The following LRFN2 variants were observed in gnomAD, a reference collection of about 807,000 sequenced individuals.
The protein encoded by LRFN2 is leucine-rich repeat and fibronectin type-III domain-containing protein 2.
LRFN2 carries 18 observed loss-of-function variants against 37.3 expected under a neutral mutation model. The ratio of observed to expected loss-of-function variants is 0.48; its 90% CI spans 0.33 to 0.72. LRFN2 has a LOEUF of 0.72. Ranked by LOEUF, LRFN2 falls within the 30% of genes least tolerant of loss-of-function variation. LRFN2 has a pLI of 0.02. For missense variants in LRFN2, 1,006 were observed against 1,060.7 expected, an observed-to-expected ratio of 0.95 and a Z score of 0.72; for synonymous variants, 556 against 466.6, an observed-to-expected ratio of 1.19 and a Z score of -2.47.
At chr6:40,571,735 C>A (rs1313108344) in intron 1 of LRFN2, among the ~76,000 whole-genome samples, 2 of 152,190 alleles carry the variant, frequency 1.3e-5, no homozygotes, top group Non-Finnish European at 2.9e-5. Context: ...CAGGTGGATC[C>A]CCAAATCATG....
chr6:40,449,099 C>A (rs1764041927), intron 1 of LRFN2, among the ~76,000 whole-genome samples: 1 of 152,170 alleles, frequency 6.6e-6, no homozygotes, highest in Admixed American at 6.5e-5. Flanking sequence ...TCCCCAATTG[C>A]ACATGGTGAA....
At chr6:40,462,694 G>C (rs964909713) in intron 1 of LRFN2, among the ~76,000 whole-genome samples, 3 of 152,100 alleles carry the variant, frequency 2.0e-5, no homozygotes, top group Non-Finnish European at 4.4e-5. Context: ...CTATCATCTT[G>C]TCAAATCTTC....
At chr6:40,480,956 T>A (rs1014528634) in intron 1 of LRFN2, among the ~76,000 whole-genome samples, 1 of 152,114 alleles carries the variant, frequency 6.6e-6, no homozygotes, top group African/African-American at 2.4e-5. Context: ...CACCTATACA[T>A]CTGGAGGGAA....
chr6:40,418,275 C>G (rs146745229), intron 2 of LRFN2, among the ~76,000 whole-genome samples: 1 of 152,300 alleles, frequency 6.6e-6, no homozygotes, highest in African/African-American at 2.4e-5. Context: ...AACATCACTC[C>G]TTACAGAGGC....
chr6:40,445,954 G>A (rs1341711785), intron 1 of LRFN2, among the ~76,000 whole-genome samples: 2 of 152,184 alleles, frequency 1.3e-5, no homozygotes, highest in Non-Finnish European at 2.9e-5. Context: ...TCTCAAAACA[G>A]TGTTTCCCAT....
At chr6:40,467,987 A>G (rs77942784) in intron 1 of LRFN2, among the ~76,000 whole-genome samples, 1,822 of 152,168 alleles carry the variant, frequency 0.012, 40 homozygotes, top group African/African-American at 0.04. Flanking sequence ...TCCATATCTG[A>G]CAGGACATAC....
chr6:40,405,087 T>TG (rs1411524609), intron 2 of LRFN2, among the ~76,000 whole-genome samples: 1 of 152,352 alleles, frequency 6.6e-6, no homozygotes, highest in East Asian at 1.9e-4. Context: ...GGGCCCCCTC[T>TG]GGTCCTTTGT....
At chr6:40,526,798 A>C (rs1433196433) in intron 1 of LRFN2, among the ~76,000 whole-genome samples, 1 of 152,180 alleles carries the variant, frequency 6.6e-6, no homozygotes, top group African/African-American at 2.4e-5. Context: ...CCCTTAGCCC[A>C]CATTTTAAGA....
intron 2 of LRFN2, among the ~76,000 whole-genome samples, chr6:40,416,415 G>A (rs553036794): frequency 2.1e-5 from 3 of 144,122 alleles, no homozygotes; most frequent in South Asian, 2.4e-4. Context: ...AGGGGGTGGC[G>A]GGAATGAGGG....
intron 1 of LRFN2, among the ~76,000 whole-genome samples, chr6:40,487,230 C>A (rs1212707024): frequency 6.6e-6 from 1 of 152,144 alleles, no homozygotes; most frequent in Non-Finnish European, 1.5e-5. Flanking sequence ...TTGCTTCTGG[C>A]CCTTCTTGGC....
chr6:40,574,754 G>A (rs1223794925), intron 1 of LRFN2, among the ~76,000 whole-genome samples: 1 of 152,104 alleles, frequency 6.6e-6, no homozygotes, highest in Non-Finnish European at 1.5e-5. Flanking sequence ...GTGAGAAGTG[G>A]GCAGAGAGCA....
chr6:40,579,266 C>G (rs1163967254), intron 1 of LRFN2, among the ~76,000 whole-genome samples: 2 of 152,190 alleles, frequency 1.3e-5, no homozygotes, highest in Non-Finnish European at 2.9e-5. Flanking sequence ...TCCAGGGGCT[C>G]TAGCCTCAGC....
intron 1 of LRFN2, among the ~76,000 whole-genome samples, chr6:40,521,349 C>T (rs1312711151): frequency 6.6e-6 from 1 of 152,152 alleles, no homozygotes; most frequent in African/African-American, 2.4e-5. Flanking sequence ...GAGTCCCAGG[C>T]ACCTGTAAGC....
intron 2 of LRFN2, among the ~76,000 whole-genome samples, chr6:40,404,410 TC>T (rs1215066058): frequency 6.6e-6 from 1 of 152,222 alleles, no homozygotes; most frequent in African/African-American, 2.4e-5. Context: ...AAATGAATAT[TC>T]TACACTGCAC....
chr6:40,392,542 G>A lies in LRFN2; in HGVS notation c.1771C>T (p.Pro591Ser), dbSNP rs1762533383. The A allele has an allele frequency of 6.3e-7, 1 of 1,580,654 alleles. No homozygotes were observed. The change falls in exon 3 of 3, where the codon CCA becomes TCA. Residue 591 changes from proline (P) to serine (S), a missense_variant. Coordinates refer to ENST00000338305, the MANE Select transcript of LRFN2 (RefSeq NM_020737.3). The surrounding 1 kb of genome is among the most constrained non-coding windows in gnomAD (Gnocchi z 4.7). ...GGGCCCTGCGGCGGGGCCCCGGCTGGTGCGCTGCTTGGAGGCGGTGGCTGG... is the reference window on the plus strand; with the variant it reads ...GGGCCCTGCGGCGGGGCCCCGGCTGATGCGCTGCTTGGAGGCGGTGGCTGG... ...GAQPPPPSSA[P>S]AGAPPQGPPK...
chr6:40,428,499 T>G (rs1763406021), intron 2 of LRFN2, among the ~76,000 whole-genome samples: 2 of 152,194 alleles, frequency 1.3e-5, no homozygotes, highest in Admixed American at 1.3e-4. Flanking sequence ...CAATTCATTT[T>G]CTAAAAATCC....
At chr6:40,586,041 G>A (rs1238605596) in intron 1 of LRFN2, among the ~76,000 whole-genome samples, 1 of 152,118 alleles carries the variant, frequency 6.6e-6, no homozygotes, top group Non-Finnish European at 1.5e-5. Flanking sequence ...GTCCCTCTGC[G>A]GTCTCCACTC....
At chr6:40,519,120 C>T (rs1765972304) in intron 1 of LRFN2, among the ~76,000 whole-genome samples, 1 of 152,210 alleles carries the variant, frequency 6.6e-6, no homozygotes, top group Non-Finnish European at 1.5e-5. Flanking sequence ...AGACACTGAA[C>T]TCAGTGTTCA....
chr6:40,570,606 G>A (rs1019715439), intron 1 of LRFN2, among the ~76,000 whole-genome samples: 1 of 152,198 alleles, frequency 6.6e-6, no homozygotes, highest in African/African-American at 2.4e-5. Context: ...AGCAGATACA[G>A]AGTGTGGAAA....
Sources: allele counts gnomAD v4.1 joint callset (sites outside exome capture counted in the v4.1 genomes callset), GRCh38; gene constraint gnomAD v4.1.1; non-coding constraint Gnocchi (gnomAD v3.1); transcripts MANE v1.5; gene names NCBI Gene and HGNC (gene_info 2026-07-23, HGNC 2026-07-21).